The following SPPL3 variants were observed in gnomAD, a reference collection of about 807,000 sequenced individuals.
SPPL3 encodes signal peptide peptidase like 3.
A neutral mutation model predicts 42.4 loss-of-function variants in SPPL3; 5 were observed. That is an observed-to-expected ratio of 0.12 (90% CI 0.06 to 0.25). The LOEUF (loss-of-function observed/expected upper bound fraction) is 0.25, where lower values mean the gene tolerates loss of function less well. SPPL3 is among the 10% of genes least tolerant of loss of function. The pLI is 1.00. For missense variants in SPPL3, 235 were observed against 489.0 expected, an observed-to-expected ratio of 0.48 and a Z score of 4.90; for synonymous variants, 195 against 181.8, an observed-to-expected ratio of 1.07 and a Z score of -0.58.
intron 1 of SPPL3, among the ~76,000 whole-genome samples, chr12:120,846,076 T>C (rs1194837406): frequency 6.6e-6 from 1 of 152,124 alleles, no homozygotes; most frequent in Non-Finnish European, 1.5e-5. Flanking sequence ...TTTGTATTTT[T>C]AGTAGGGATG....
At chr12:120,815,466 G>C (rs889968668) in intron 1 of SPPL3, among the ~76,000 whole-genome samples, 1 of 152,058 alleles carries the variant, frequency 6.6e-6, no homozygotes, top group African/African-American at 2.4e-5. Flanking sequence ...AGACTCCAGA[G>C]CTATAAAAAA....
chr12:120,800,377 C>T (rs180830846), intron 2 of SPPL3, among the ~76,000 whole-genome samples: 1 of 152,188 alleles, frequency 6.6e-6, no homozygotes, highest in East Asian at 1.9e-4. Flanking sequence ...GTGGCGCACA[C>T]CTGTAATCCC....
intron 3 of SPPL3, among the ~76,000 whole-genome samples, chr12:120,789,640 C>A (rs1220942076): frequency 6.6e-6 from 1 of 151,008 alleles, no homozygotes; most frequent in Non-Finnish European, 1.5e-5. Context: ...GCCTGGCCAA[C>A]ACTGTGAAAC....
chr12:120,877,781 TA>T (rs201989284), intron 1 of SPPL3, among the ~76,000 whole-genome samples: 3 of 130,158 alleles, frequency 2.3e-5, no homozygotes, highest in African/African-American at 8.7e-5. Flanking sequence ...AACTCCGTCT[TA>T]AAAAAAAAAA....
At chr12:120,890,588 CAAAAA>C (rs34253596) in intron 1 of SPPL3, among the ~76,000 whole-genome samples, 1 of 91,456 alleles carries the variant, frequency 1.1e-5, no homozygotes, top group Non-Finnish European at 2.1e-5. Context: ...GACTCCGTCT[CAAAAA>C]AAAAAAAAAA....
At chr12:120,840,419 G>GTCCAGAATAGGCGAGTAGATTA (rs1165324186) in intron 1 of SPPL3, among the ~76,000 whole-genome samples, 9 of 151,416 alleles carry the variant, frequency 5.9e-5, no homozygotes, top group Middle Eastern at 3.4e-3. Context: ...TATATGAAAT[G>GTCCAGAATAGGCGAGTAGATTA]TCCAGAATAG....
At position 120,897,520 on chromosome 12, in the gene SPPL3, A is replaced by G. The variant is rs572688212; in HGVS notation, c.23+6325T>C. On this transcript the variant is annotated intron_variant, in intron 1 of 10. Coordinates refer to ENST00000353487, the MANE Select transcript of SPPL3 (RefSeq NM_139015.5). ...GGGTGGATCATGAGGTCAGGAGATCAAGACCATCCTAGCTAACACGGTGAA... is the reference window on the plus strand; with the variant it reads ...GGGTGGATCATGAGGTCAGGAGATCGAGACCATCCTAGCTAACACGGTGAA... Among the ~76,000 whole-genome samples, 3 of 152,080 alleles carry G rather than the reference A, an allele frequency of 2.0e-5. No homozygotes were observed. The South Asian group carries it at 6.2e-4, about 32-fold the overall frequency.
At chr12:120,824,696 A>C (rs150476326) in intron 1 of SPPL3, among the ~76,000 whole-genome samples, 1 of 152,110 alleles carries the variant, frequency 6.6e-6, no homozygotes, top group East Asian at 1.9e-4. Context: ...ACATCAGGCT[A>C]ATTTTTTTTG....
At chr12:120,894,200 C>T (rs1442686621) in intron 1 of SPPL3, among the ~76,000 whole-genome samples, 1 of 151,928 alleles carries the variant, frequency 6.6e-6, no homozygotes, top group African/African-American at 2.4e-5. Context: ...GGCGCATGCC[C>T]GTTATCCCAG....
At chr12:120,796,942 C>T (rs957806833) in intron 2 of SPPL3, among the ~76,000 whole-genome samples, 20 of 152,210 alleles carry the variant, frequency 1.3e-4, no homozygotes, top group African/African-American at 3.9e-4. Context: ...GAGGCTGAGG[C>T]GGGCGAATCA....
chr12:120,858,311 T>G (rs1246285322), intron 1 of SPPL3, among the ~76,000 whole-genome samples: 1 of 151,904 alleles, frequency 6.6e-6, no homozygotes, highest in Non-Finnish European at 1.5e-5. Context: ...AATACAAAAC[T>G]TAGCCAGGTG....
At chr12:120,856,503 C>CTTTTTTTTTTTTTT (rs35137934) in intron 1 of SPPL3, among the ~76,000 whole-genome samples, 1 of 89,190 alleles carries the variant, frequency 1.1e-5, no homozygotes, top group African/African-American at 4.5e-5. Flanking sequence ...CAATTTTCAT[C>CTTTTTTTTTTTTTT]TTTTTTTTTT....
chr12:120,766,953 C>T (rs1868932753), intron 9 of SPPL3, among the ~76,000 whole-genome samples: 1 of 152,212 alleles, frequency 6.6e-6, no homozygotes. Context: ...ACTGCTTTTC[C>T]CAGCCCCATC....
rs536880746 is a variant in SPPL3, at chr12:120,781,124, A to G, written c.502+1531T>C. On this transcript the variant is annotated intron_variant, in intron 6 of 10. Transcript: ENST00000353487. ...TTCTGAGGATTAAAAGAGATGATCC[A>G]TGTAAAGCACCTAGCAGACTGCCTA... is the stretch of plus-strand genomic sequence containing the variant. Among the ~76,000 whole-genome samples the G allele has an allele frequency of 2.6e-5, 4 of 152,316 alleles. No homozygotes were observed. The South Asian group carries it at 8.3e-4, about 32-fold the overall frequency.
intron 1 of SPPL3, among the ~76,000 whole-genome samples, chr12:120,888,121 G>T (rs1241040465): frequency 6.6e-6 from 1 of 152,272 alleles, no homozygotes; most frequent in East Asian, 1.9e-4. Flanking sequence ...TGTTGCCCAG[G>T]CTGGAGTGCA....
chr12:120,796,986 A>C (rs899201345), intron 2 of SPPL3, among the ~76,000 whole-genome samples: 5 of 152,178 alleles, frequency 3.3e-5, no homozygotes, highest in African/African-American at 4.8e-5. Flanking sequence ...CCTGGCCAAC[A>C]TGGTGAAACC....
At chr12:120,854,459 T>C (rs977953106) in intron 1 of SPPL3, among the ~76,000 whole-genome samples, 5 of 152,178 alleles carry the variant, frequency 3.3e-5, no homozygotes, top group East Asian at 1.9e-4. Context: ...ACAGGTCTTT[T>C]TTCTTTTTAA....
At chr12:120,894,363 A>G (rs911601942) in intron 1 of SPPL3, among the ~76,000 whole-genome samples, 2 of 152,204 alleles carry the variant, frequency 1.3e-5, no homozygotes, top group African/African-American at 2.4e-5. Flanking sequence ...TGTAAATTTC[A>G]TAAGTTTATA....
At chr12:120,895,753 CACA>C (rs1324089677) in intron 1 of SPPL3, among the ~76,000 whole-genome samples, 1 of 150,632 alleles carries the variant, frequency 6.6e-6, no homozygotes, top group Non-Finnish European at 1.5e-5. Flanking sequence ...ACTAAATCCT[CACA>C]ACGACCCTGT....
Sources: gnomAD v4.1 joint callset for allele counts (sites outside exome capture counted in the v4.1 genomes callset) on GRCh38, gnomAD v4.1.1 for gene constraint, MANE v1.5 for transcripts, NCBI Gene and HGNC (gene_info 2026-07-23, HGNC 2026-07-21) for gene names.